The following GOLIM4 variants were observed in gnomAD, a reference collection of about 807,000 sequenced individuals.
GOLIM4 encodes the protein 130 kDa golgi-localized phosphoprotein.
In GOLIM4, 71 loss-of-function variants were observed where a neutral mutation model predicts 107.4. The observed-to-expected ratio is 0.66, with a 90% CI of 0.55 to 0.81. The LOEUF (loss-of-function observed/expected upper bound fraction) is 0.81. Among genes scored for constraint, GOLIM4 ranks in the 30% least tolerant of loss-of-function variants. The probability of loss-of-function intolerance (pLI) is 0.00; values close to 1 mark genes in which losing one functional copy is unlikely to be tolerated. For synonymous variants in GOLIM4, 327 were observed against 294.8 expected (o/e 1.11, Z -1.12); for missense variants, 830 against 826.1 (o/e 1.00, Z -0.06).
At chr3:168,069,297 C>T (rs1440304350) in intron 1 of GOLIM4, among the ~76,000 whole-genome samples, 3 of 152,002 alleles carry the variant, frequency 2.0e-5, no homozygotes, top group African/African-American at 4.8e-5. Context: ...CTCATATGGC[C>T]GGAACATTGC....
chr3:168,054,727 G>C (rs1440776148), intron 1 of GOLIM4, among the ~76,000 whole-genome samples: 2 of 152,020 alleles, frequency 1.3e-5, no homozygotes, highest in African/African-American at 2.4e-5. Flanking sequence ...CCTCGATTGA[G>C]GGCGAGAATT....
intron 1 of GOLIM4, among the ~76,000 whole-genome samples, chr3:168,076,151 A>G (rs1721074901): frequency 6.6e-6 from 1 of 152,216 alleles, no homozygotes; most frequent in East Asian, 1.9e-4. Flanking sequence ...GGGTATGAAC[A>G]TTTATAGTTG....
intron 1 of GOLIM4, among the ~76,000 whole-genome samples, chr3:168,062,457 G>A (rs1480810617): frequency 6.6e-6 from 1 of 150,608 alleles, no homozygotes; most frequent in Admixed American, 6.6e-5. Context: ...ATTTACAACT[G>A]TGAGGACACA....
chr3:168,014,536 T>C (rs1476020704), intron 14 of GOLIM4, among the ~76,000 whole-genome samples: 1 of 128,916 alleles, frequency 7.8e-6, no homozygotes, highest in Non-Finnish European at 1.5e-5. Context: ...CCTAACTCAT[T>C]TTATGAGGCC....
chr3:168,070,954 C>CT (rs1203362856), intron 1 of GOLIM4, among the ~76,000 whole-genome samples: 3 of 152,058 alleles, frequency 2.0e-5, no homozygotes, highest in African/African-American at 7.2e-5. Flanking sequence ...AAGATTAGTC[C>CT]TTTTTAATTC....
At position 168,095,276 on chromosome 3, in the gene GOLIM4, C is replaced by G. The variant is rs1348466654; in HGVS notation, c.10G>C (p.Gly4Arg). 2 of 1,612,452 alleles carry G rather than the reference C, an allele frequency of 1.2e-6. No individual in the cohort carries two copies. The highest frequency in any genetic ancestry group is 1.7e-6 in the Non-Finnish European group (2 of 1,179,810). Reference sequence around the variant, plus strand: ...CGCTTCTGCTTTCGGGAGCACATCCCGTTTCCCATAGTCCCGCCTGGACCC... The same window carrying G: ...CGCTTCTGCTTTCGGGAGCACATCCGGTTTCCCATAGTCCCGCCTGGACCC... MGN[G>R]MCSRKQKRIF... The change falls in exon 1 of 16, where the codon GGG becomes CGG. Residue 4 changes from glycine to arginine, a missense_variant. Coordinates refer to ENST00000470487, the MANE Select transcript of GOLIM4 (RefSeq NM_014498.5).
At chr3:168,062,433 TAA>T (rs1469460820) in intron 1 of GOLIM4, among the ~76,000 whole-genome samples, 1 of 152,010 alleles carries the variant, frequency 6.6e-6, no homozygotes, top group Non-Finnish European at 1.5e-5. Flanking sequence ...GGTTTGTTTA[TAA>T]AGATACTTTG....
Position 168,082,144 on chromosome 3 carries a change from T to C in GOLIM4, c.187+12955A>G, listed in dbSNP as rs1342535464. Among the ~76,000 whole-genome samples the C allele has an allele frequency of 2.0e-5, 3 of 152,232 alleles. No homozygotes were observed. In the East Asian group the frequency reaches 5.8e-4, roughly 29 times the overall value. On this transcript the variant is annotated intron_variant, in intron 1 of 15. Coordinates refer to ENST00000470487, the MANE Select transcript of GOLIM4 (RefSeq NM_014498.5). ...AGGAACTGATTAACGCTATGGCTTC[T>C]GTCTTGGAAAAAGACACATATACAA... is the stretch of plus-strand genomic sequence containing the variant.
intron 1 of GOLIM4, among the ~76,000 whole-genome samples, chr3:168,059,279 C>G (rs1720135618): frequency 6.6e-6 from 1 of 152,176 alleles, no homozygotes; most frequent in Non-Finnish European, 1.5e-5. Context: ...TGTCATATTG[C>G]AGAGAATACC....
intron 1 of GOLIM4, among the ~76,000 whole-genome samples, chr3:168,053,979 T>G (rs1719793106): frequency 6.6e-6 from 1 of 152,110 alleles, no homozygotes; most frequent in Non-Finnish European, 1.5e-5. Flanking sequence ...TGCCCAGAAG[T>G]AGGGAAGGAC....
intron 12 of GOLIM4, among the ~76,000 whole-genome samples, chr3:168,025,324 T>C (rs982530570): frequency 2.0e-5 from 3 of 152,222 alleles, no homozygotes; most frequent in African/African-American, 7.2e-5. Flanking sequence ...ATAGCACTTC[T>C]TTCCTGCAAG....
Position 168,029,233 on chromosome 3 carries a change from T to C in GOLIM4, c.1503A>G (p.Gly501=), listed in dbSNP as rs1718172312. The part of the protein sequence containing the change: ...VQGAEDQGIQ[G]EEGAYERDNQ... ...AGGAAGTCTCACCACCTCCTTCCTC[T>C]CCTTGGATTCCCTGGTCCTCTGCTC... is the stretch of plus-strand genomic sequence containing the variant. Residue 501 remains glycine (G), a synonymous_variant, in exon 11 of 16, where the codon GGA becomes GGG. Coordinates refer to ENST00000470487, the MANE Select transcript of GOLIM4 (RefSeq NM_014498.5). 1.2e-6 allele frequency: 2 copies of C among 1,601,176 alleles called. No homozygotes were observed. Among genetic ancestry groups the C allele is most frequent in the Non-Finnish European group, 1.7e-6 (2 of 1,169,094 alleles).
chr3:168,043,771 C>A (rs530265299), intron 4 of GOLIM4, among the ~76,000 whole-genome samples: 1 of 152,228 alleles, frequency 6.6e-6, no homozygotes, highest in South Asian at 2.1e-4. Flanking sequence ...AAGAAGTTAG[C>A]ATGAGAGATG....
chr3:168,038,998 C>T (rs1199012565), intron 7 of GOLIM4, among the ~76,000 whole-genome samples: 2 of 152,210 alleles, frequency 1.3e-5, no homozygotes, highest in East Asian at 1.9e-4. Context: ...AAGAAGAGGG[C>T]CCTTACCAGA....
At position 168,027,783 on chromosome 3, in the gene GOLIM4, C is replaced by T; in HGVS notation, c.1568G>A (p.Arg523Lys). 6.2e-7 allele frequency: 1 copy of T among 1,613,682 alleles called. No individual in the cohort carries two copies. Among genetic ancestry groups the T allele is most frequent in the African/African-American group, 1.3e-5 (1 of 74,972 alleles). The change falls in exon 12 of 16, where the codon AGA becomes AAA. Residue 523 changes from arginine (R) to lysine (K), a missense_variant. Coordinates refer to ENST00000470487, the MANE Select transcript of GOLIM4 (RefSeq NM_014498.5). ...GGGTCCTTGTTCACGAGGCTCATGT[C>T]TATTACCTGGATCTCCTTCTGCTTC... ...QDEAEGDPGN[R>K]HEPREQGPRE...
chr3:168,036,014 T>C (rs139991586), intron 8 of GOLIM4, among the ~76,000 whole-genome samples: 2,497 of 152,242 alleles, frequency 0.016, 72 homozygotes, highest in African/African-American at 0.057. Flanking sequence ...AACAGGTCAT[T>C]TAATTCAAAT....
chr3:168,061,341 T>C (rs1318154653), intron 1 of GOLIM4, among the ~76,000 whole-genome samples: 1 of 152,172 alleles, frequency 6.6e-6, no homozygotes, highest in Non-Finnish European at 1.5e-5. Context: ...GGCAAGAATG[T>C]GGAGGAAGGA....
chr3:168,042,423 G>C (rs1719067641), intron 5 of GOLIM4, among the ~76,000 whole-genome samples: 1 of 152,172 alleles, frequency 6.6e-6, no homozygotes, highest in African/African-American at 2.4e-5. Flanking sequence ...TGAGATTACA[G>C]GCATGTGCCA....
At chr3:168,029,186 T>C (rs750109564) in intron 11 of GOLIM4, 37 bp downstream of exon 11, 1 of 1,304,464 alleles carries the variant, frequency 7.7e-7, no homozygotes, top group Non-Finnish European at 1.1e-6. Context: ...TATCAAGTAA[T>C]TTATTAAAAC....
Sources: allele counts gnomAD v4.1 joint callset (sites outside exome capture counted in the v4.1 genomes callset), GRCh38; gene constraint gnomAD v4.1.1; transcripts MANE v1.5; gene names NCBI Gene and HGNC (gene_info 2026-07-23, HGNC 2026-07-21).